CDH13: variants seen among roughly 807,000 people sequenced by gnomAD.
The protein encoded by CDH13 is cadherin-13.
CDH13 carries 24 observed loss-of-function variants against 63.8 expected under a neutral mutation model. That is an observed-to-expected ratio of 0.38 (90% CI 0.27 to 0.53). CDH13 has a LOEUF of 0.53. Ranked by LOEUF, CDH13 falls within the 20% of genes least tolerant of loss-of-function variation. The pLI is 0.85. For missense variants in CDH13, 1,049 were observed against 903.1 expected (o/e 1.16, Z -2.07); for synonymous variants, 503 against 355.3 (o/e 1.42, Z -4.67).
chr16:83,518,148 T>TTGTTG lies in CDH13; in HGVS notation c.960+31497_960+31498insGTGTT, dbSNP rs1019516804. On this transcript the variant is annotated intron_variant, in intron 7 of 13. Coordinates refer to ENST00000567109, the MANE Select transcript of CDH13 (RefSeq NM_001257.5). Reference sequence around the variant, plus strand: ...AGATATCATGAGATGTGATGGTCTTTTGTTTTGTTTTTTTGAGATGGAGTC... The same window carrying TTGTTG: ...AGATATCATGAGATGTGATGGTCTTTTGTTGTGTTTTGTTTTTTTGAGATGGAGTC... 2.0e-5 allele frequency among the ~76,000 whole-genome samples: 3 copies of TTGTTG among 151,096 alleles called. No homozygotes were observed. In the South Asian group the frequency reaches 6.3e-4, roughly 32 times the overall value.
chr16:82,681,005 A>G (rs1427922801), intron 1 of CDH13, among the ~76,000 whole-genome samples: 3 of 152,222 alleles, frequency 2.0e-5, no homozygotes, highest in African/African-American at 4.8e-5. Flanking sequence ...ACTGCCTACA[A>G]AGGCCAGTGT....
chr16:83,737,741 C>T (rs1567562342), intron 10 of CDH13, among the ~76,000 whole-genome samples: 1 of 152,176 alleles, frequency 6.6e-6, no homozygotes. Flanking sequence ...CATTCTGATA[C>T]ACACCCAAAT....
At chr16:82,684,822 T>C (rs1204323625) in intron 1 of CDH13, among the ~76,000 whole-genome samples, 1 of 152,158 alleles carries the variant, frequency 6.6e-6, no homozygotes, top group Non-Finnish European at 1.5e-5. Context: ...CATACCCAAG[T>C]TGTGCTTTCT....
At chr16:83,060,474 C>G (rs2031429455) in intron 3 of CDH13, among the ~76,000 whole-genome samples, 2 of 152,164 alleles carry the variant, frequency 1.3e-5, no homozygotes, top group Admixed American at 1.3e-4. Flanking sequence ...AGCCCTTACT[C>G]CAAACCAGGA....
chr16:82,675,911 A>T (rs1427347205), intron 1 of CDH13, among the ~76,000 whole-genome samples: 1 of 152,182 alleles, frequency 6.6e-6, no homozygotes, highest in Non-Finnish European at 1.5e-5. Flanking sequence ...TCCTTGGGAG[A>T]CCAGAGCAGC....
In CDH13 at chr16:82,858,467, C is replaced by G; in HGVS notation, c.151C>G (p.Leu51Val). ...TGAATTCATTGAGGACCAGTCAATT[C>G]TAAACTGTAAGCAATGTCACTCAAA... is the stretch of plus-strand genomic sequence containing the variant. ...PAEFIEDQSI[L>V]NLTFSDCKGN... Residue 51 changes from leucine to valine, a missense_variant, in exon 2 of 14, where the codon CTA becomes GTA. Leu to Val is a conservative substitution (Grantham distance 32, BLOSUM62 1). Transcript: ENST00000567109. 1 of 1,588,768 alleles carries G rather than the reference C, an allele frequency of 6.3e-7. No homozygotes were observed. The highest frequency in any genetic ancestry group is 8.6e-7 in the Non-Finnish European group (1 of 1,156,966).
intron 10 of CDH13, among the ~76,000 whole-genome samples, chr16:83,736,672 G>A (rs768052655): frequency 5.9e-5 from 9 of 152,172 alleles, no homozygotes; most frequent in Admixed American, 1.3e-4. Context: ...GGCAGTGAGC[G>A]CCTAGCGGAA....
chr16:83,348,508 A>G (rs1385077501), intron 6 of CDH13, among the ~76,000 whole-genome samples: 1 of 152,186 alleles, frequency 6.6e-6, no homozygotes, highest in Admixed American at 6.5e-5. Context: ...AAGGGAACAG[A>G]AGGGTCCCAT....
chr16:83,440,007 G>C (rs1185275003), intron 6 of CDH13, among the ~76,000 whole-genome samples: 1 of 152,204 alleles, frequency 6.6e-6, no homozygotes, highest in Non-Finnish European at 1.5e-5. Context: ...ATGTGGTAGA[G>C]GGTGGACCCA....
rs560296194 is a variant in CDH13, at chr16:83,562,156, A to G, written c.961-40298A>G. 5.1e-4 allele frequency among the ~76,000 whole-genome samples: 77 copies of G among 152,260 alleles called. No homozygotes were observed. In the Middle Eastern group the frequency reaches 0.01, roughly 20 times the overall value. On this transcript the variant is annotated intron_variant, in intron 7 of 13. Transcript: ENST00000567109. ...CCTTGTAAGGGTCTCATCTTGTTTT[A>G]TTTGGAGGCTCTGACATAGTGGAAC...
chr16:82,901,587 T>G (rs1024628499), intron 2 of CDH13, among the ~76,000 whole-genome samples: 3 of 152,206 alleles, frequency 2.0e-5, no homozygotes, highest in African/African-American at 7.2e-5. Flanking sequence ...GAAAAAGGCA[T>G]GTTGCTTGGG....
chr16:82,907,976 C>T (rs2041704733), intron 2 of CDH13, among the ~76,000 whole-genome samples: 1 of 152,168 alleles, frequency 6.6e-6, no homozygotes, highest in African/African-American at 2.4e-5. Context: ...TATACTGGTG[C>T]TTCTGCCCTA....
intron 1 of CDH13, among the ~76,000 whole-genome samples, chr16:82,638,467 G>T (rs1448456484): frequency 3.9e-5 from 6 of 152,140 alleles, no homozygotes. Flanking sequence ...GGATTTTTGT[G>T]AGAATTAAAT....
At chr16:82,888,430 G>T (rs2040965569) in intron 2 of CDH13, among the ~76,000 whole-genome samples, 1 of 152,182 alleles carries the variant, frequency 6.6e-6, no homozygotes, top group Admixed American at 6.5e-5. Flanking sequence ...GAAGGGACTG[G>T]ACTAGAAACA....
intron 4 of CDH13, among the ~76,000 whole-genome samples, chr16:83,174,733 G>A (rs75270286): frequency 0.01 from 1,556 of 152,158 alleles, 28 homozygotes; most frequent in African/African-American, 0.036. Context: ...AAGAAAAAAG[G>A]TTTCCTTGAC....
At chr16:83,158,497 T>A (rs72800235) in intron 4 of CDH13, among the ~76,000 whole-genome samples, 7,448 of 152,280 alleles carry the variant, frequency 0.049, 280 homozygotes, top group Non-Finnish European at 0.066. Context: ...GCTGTCCCTG[T>A]CCAGCAGGTC....
intron 5 of CDH13, among the ~76,000 whole-genome samples, chr16:83,286,130 G>C (rs182592922): frequency 6.6e-6 from 1 of 152,144 alleles, no homozygotes; most frequent in Admixed American, 6.5e-5. Flanking sequence ...TCTCTCCCCA[G>C]TGTTTGAGGC....
intron 10 of CDH13, among the ~76,000 whole-genome samples, chr16:83,732,410 G>C (rs1163925493): frequency 6.6e-6 from 1 of 152,204 alleles, no homozygotes; most frequent in Non-Finnish European, 1.5e-5. Flanking sequence ...CTGGGGAACA[G>C]GGTGAGTTGA....
intron 5 of CDH13, among the ~76,000 whole-genome samples, chr16:83,262,099 A>G (rs767543761): frequency 6.6e-6 from 1 of 152,228 alleles, no homozygotes; most frequent in Non-Finnish European, 1.5e-5. Flanking sequence ...GGAGTTTCCC[A>G]AAACATCCAG....
Sources: gnomAD v4.1 joint callset for allele counts (sites outside exome capture counted in the v4.1 genomes callset) on GRCh38, gnomAD v4.1.1 for gene constraint, MANE v1.5 for transcripts, NCBI Gene and HGNC (gene_info 2026-07-23, HGNC 2026-07-21) for gene names.